DNAH5: variants seen among roughly 807,000 people sequenced by gnomAD.
DNAH5 encodes the protein dynein axonemal heavy chain 5, also known as axonemal beta dynein heavy chain 5.
DNAH5 carries 372 observed loss-of-function variants against 518.2 expected under a neutral mutation model. The ratio of observed to expected loss-of-function variants is 0.72; its 90% confidence interval spans 0.66 to 0.78. The LOEUF (loss-of-function observed/expected upper bound fraction) is 0.78. Among genes scored for constraint, DNAH5 ranks in the 30% least tolerant of loss-of-function variants. DNAH5 has a pLI of 0.00. For synonymous variants in DNAH5, 2,039 were observed against 2,025.9 expected (o/e 1.01, Z -0.17); for missense variants, 5,523 against 5,687.0 (o/e 0.97, Z 0.93).
intron 41 of DNAH5, among the ~76,000 whole-genome samples, chr5:13,818,838 C>T (rs1384862055): frequency 3.9e-5 from 6 of 152,170 alleles, no homozygotes; most frequent in Non-Finnish European, 5.9e-5. Context: ...CAGCCCTCCA[C>T]GTCGTCAGCA....
At position 14,006,452 on chromosome 5, in the gene DNAH5, C is replaced by T. The variant is rs113129360; in HGVS notation, c.12+5196G>A. ...AAGATTAAGGTTTGGTTTCTTCTGA[C>T]GCCTCTCTCCTTGGCTTGCAGATGG... On this transcript the variant is annotated intron_variant, in intron 1 of 78. Transcript: ENST00000681290. 8.0e-4 allele frequency among the ~76,000 whole-genome samples: 122 copies of T among 152,214 alleles called. 2 individuals are homozygous for T. The highest frequency in any genetic ancestry group is 2.6e-3 in the African/African-American group (110 of 41,542).
chr5:13,813,276 A>G (rs746341937), intron 43 of DNAH5, among the ~76,000 whole-genome samples: 1 of 152,202 alleles, frequency 6.6e-6, no homozygotes, highest in Non-Finnish European at 1.5e-5. Context: ...TTATTTTATA[A>G]ATAGCAAACT....
At chr5:13,802,014 T>C (rs990726370) in intron 47 of DNAH5, among the ~76,000 whole-genome samples, 3 of 152,198 alleles carry the variant, frequency 2.0e-5, no homozygotes, top group African/African-American at 7.2e-5. Context: ...AATATTGATT[T>C]AGATGAGTGA....
rs904472211 is a variant in DNAH5, at chr5:13,916,555, T to C, written c.1090-100A>G. 17 of 611,972 alleles carry C rather than the reference T, an allele frequency of 2.8e-5. No individual in the cohort carries two copies. In the African/African-American group the frequency reaches 3.2e-4, roughly 11 times the overall value. The allele number at this position is 611,972 out of a possible 1,614,324, so 37.9% of individuals were successfully genotyped here. ...TGCATTAAAATAAAGTTTAAGAGCTTTCTATTAAAGATTTAAAAATACTAT... is the reference window on the plus strand; with the variant it reads ...TGCATTAAAATAAAGTTTAAGAGCTCTCTATTAAAGATTTAAAAATACTAT... On this transcript the variant is annotated intron_variant, in intron 8 of 78. Coordinates refer to ENST00000265104, the MANE Select transcript of DNAH5 (RefSeq NM_001369.3).
chr5:13,826,094 T>G (rs1762856204), intron 38 of DNAH5, among the ~76,000 whole-genome samples: 1 of 152,182 alleles, frequency 6.6e-6, no homozygotes, highest in African/African-American at 2.4e-5. Context: ...GTGAGTAAAC[T>G]TAATCATGGG....
At chr5:13,825,115 G>A (rs932774769) in intron 38 of DNAH5, among the ~76,000 whole-genome samples, 15 of 152,108 alleles carry the variant, frequency 9.9e-5, no homozygotes, top group Non-Finnish European at 8.8e-5. Flanking sequence ...ACCAAGTGGG[G>A]CAGATCACTT....
intron 1 of DNAH5, among the ~76,000 whole-genome samples, chr5:13,993,867 G>C (rs1783738742): frequency 6.6e-6 from 1 of 152,134 alleles, no homozygotes; most frequent in Admixed American, 6.5e-5. Flanking sequence ...GACGGCTAAG[G>C]GTGCAAGATC....
intron 65 of DNAH5, among the ~76,000 whole-genome samples, chr5:13,739,999 A>G (rs1748197705): frequency 6.6e-6 from 1 of 152,106 alleles, no homozygotes; most frequent in African/African-American, 2.4e-5. Flanking sequence ...GCAAAACTAA[A>G]CGTCTGATCC....
intron 47 of DNAH5, among the ~76,000 whole-genome samples, chr5:13,796,485 A>G (rs564514101): frequency 6.6e-6 from 1 of 152,280 alleles, no homozygotes; most frequent in East Asian, 1.9e-4. Flanking sequence ...TAGGAATCCA[A>G]CTTACAAGGG....
chr5:13,965,594 T>A (rs1455740582), intron 1 of DNAH5, among the ~76,000 whole-genome samples: 1 of 152,182 alleles, frequency 6.6e-6, no homozygotes, highest in Admixed American at 6.5e-5. Flanking sequence ...CCAACCAATT[T>A]CCTCCATTAA....
intron 30 of DNAH5, among the ~76,000 whole-genome samples, chr5:13,854,103 A>G (rs189057614): frequency 6.6e-6 from 1 of 152,304 alleles, no homozygotes; most frequent in Admixed American, 6.5e-5. Context: ...GAAGGAAAAA[A>G]TATTAAAGGC....
intron 25 of DNAH5, among the ~76,000 whole-genome samples, chr5:13,867,496 CA>C (rs1769430565): frequency 6.6e-6 from 1 of 152,114 alleles, no homozygotes; most frequent in African/African-American, 2.4e-5. Flanking sequence ...TGAGGCCTCC[CA>C]AGCCATGCTG....
intron 52 of DNAH5, among the ~76,000 whole-genome samples, chr5:13,784,280 T>C (rs541011211): frequency 2.5e-4 from 38 of 152,340 alleles, no homozygotes; most frequent in African/African-American, 9.1e-4. Context: ...TTTCTTCCTT[T>C]TAATTATTAA....
chr5:13,815,142 C>T (rs1761288238), intron 42 of DNAH5, among the ~76,000 whole-genome samples: 1 of 152,156 alleles, frequency 6.6e-6, no homozygotes, highest in Admixed American at 6.6e-5. Flanking sequence ...GTAAATGAGA[C>T]AATGTCCTGC....
intron 47 of DNAH5, among the ~76,000 whole-genome samples, chr5:13,794,693 C>T (rs1757550205): frequency 6.6e-6 from 1 of 152,314 alleles, no homozygotes; most frequent in South Asian, 2.1e-4. Flanking sequence ...AGGCCGGGCA[C>T]GGTGGCTGAT....
At chr5:13,910,881 G>C (rs1026562021) in intron 12 of DNAH5, among the ~76,000 whole-genome samples, 4 of 152,198 alleles carry the variant, frequency 2.6e-5, no homozygotes, top group African/African-American at 9.7e-5. Context: ...CAAGATGGCT[G>C]GTCTGCAGTG....
chr5:13,945,729 C>A (rs1471863406), upstream of DNAH5, among the ~76,000 whole-genome samples: 2 of 152,140 alleles, frequency 1.3e-5, no homozygotes, highest in African/African-American at 4.8e-5. Flanking sequence ...CCTCAGCCTT[C>A]CTAGTAACTG....
Position 13,885,114 on chromosome 5 carries a change from T to C in DNAH5, c.2858A>G (p.Glu953Gly). 10 of 1,614,234 alleles carry C rather than the reference T, an allele frequency of 6.2e-6. No individual in the cohort carries two copies. The highest frequency in any genetic ancestry group is 8.5e-6 in the Non-Finnish European group (10 of 1,180,038). Residue 953 changes from glutamate (E) to glycine (G), a missense_variant, in exon 19 of 79, where the codon GAA (glutamate) becomes GGA (glycine). Transcript: ENST00000265104. ...ATGAGAGAGTAACTCGCGGGCTTCT[T>C]CCCCTAACATCTCAGTTTCTTTCTT... is the stretch of plus-strand genomic sequence containing the variant. ...RKKKETEMLG[E>G]EARELLSHFN...
At chr5:13,714,268 C>CT (rs1462516825) in intron 75 of DNAH5, 137 bp downstream of exon 75, 3 of 911,636 alleles carry the variant, frequency 3.3e-6, no homozygotes, top group Non-Finnish European at 5.1e-6. Context: ...TTTTCTGGTT[C>CT]TTTAAGAAGC....
Sources: allele counts gnomAD v4.1 joint callset (sites outside exome capture counted in the v4.1 genomes callset), GRCh38; gene constraint gnomAD v4.1.1; transcripts MANE v1.5; gene names NCBI Gene and HGNC (gene_info 2026-07-23, HGNC 2026-07-21).